Variants in CBLN2 observed in about 807,000 individuals in gnomAD.
The protein encoded by CBLN2 is cerebellin-2.
CBLN2 carries 7 observed loss-of-function variants against 15.0 expected under a neutral mutation model. The observed-to-expected ratio is 0.47, with a 90% CI of 0.27 to 0.88. The LOEUF is 0.88. Ranked by LOEUF, CBLN2 falls within the 40% of genes least tolerant of loss-of-function variation. The pLI, the probability that CBLN2 is intolerant of heterozygous loss-of-function variation, is 0.14. For synonymous variants in CBLN2, 149 were observed against 135.2 expected (o/e 1.10, Z -0.71); for missense variants, 242 against 304.5 (o/e 0.79, Z 1.53).
rs551979733 is a variant in CBLN2 at position 72,542,141 on chromosome 18, C to T, written c.20G>A (p.Gly7Glu). The change falls in exon 3 of 5, where the codon GGG (glycine) becomes GAG (glutamate). Residue 7 changes from glycine to glutamate, a missense_variant. Physicochemically the swap from Gly to Glu is moderately conservative, Grantham distance 98. This residue lies in a region of CBLN2 where 96 missense variants were observed against 83.8 expected (regional missense o/e 1.15). Coordinates refer to ENST00000269503, the MANE Select transcript of CBLN2 (RefSeq NM_182511.4). MQAPGR[G>E]PLGLRLMMPG... ...CATCATCAGCCGCAGCCCGAGTGGC[C>T]CCCGGCCGGGCGCCTGCATCGGGAC... 1.7e-3 allele frequency: 2,225 copies of T among 1,320,834 alleles called. 31 individuals are homozygous for T. In the African/African-American group the frequency reaches 0.031, roughly 19 times the overall value. The allele number at this position is 1,320,834 out of a possible 1,614,324, so 81.8% of individuals were successfully genotyped here.
chr18:72,612,138 C>T (rs2069626615), intron 1 of CBLN2, among the ~76,000 whole-genome samples: 1 of 152,126 alleles, frequency 6.6e-6, no homozygotes, highest in East Asian at 1.9e-4. Flanking sequence ...GTTTTGGTTA[C>T]TGTAGCCCTG....
chr18:72,631,556 C>T (rs1051086675), intron 1 of CBLN2, among the ~76,000 whole-genome samples: 7 of 152,130 alleles, frequency 4.6e-5, no homozygotes, highest in African/African-American at 1.4e-4. Context: ...TGGGGTGACT[C>T]TTTATCTCCC....
chr18:72,602,952 T>C (rs936535152), intron 1 of CBLN2, among the ~76,000 whole-genome samples: 9 of 152,192 alleles, frequency 5.9e-5, no homozygotes, highest in African/African-American at 1.2e-4. Flanking sequence ...GTTTTCTCCT[T>C]CCATGGTGTG....
At chr18:72,627,655 A>G (rs1423727643) in intron 1 of CBLN2, among the ~76,000 whole-genome samples, 1 of 152,230 alleles carries the variant, frequency 6.6e-6, no homozygotes, top group African/African-American at 2.4e-5. Context: ...ACAAGAGAAT[A>G]AGAGGGAGTG....
chr18:72,568,830 T>C (rs144821225), intron 1 of CBLN2, among the ~76,000 whole-genome samples: 1 of 152,336 alleles, frequency 6.6e-6, no homozygotes, highest in Non-Finnish European at 1.5e-5. Context: ...TTTGATTTGT[T>C]GTTTTGTCGA....
At chr18:72,622,395 C>T (rs527790482) in intron 1 of CBLN2, among the ~76,000 whole-genome samples, 2 of 151,918 alleles carry the variant, frequency 1.3e-5, no homozygotes, top group South Asian at 2.1e-4. Context: ...GGGGCCAATG[C>T]TTACAATGCC....
At chr18:72,611,076 A>G (rs2069618792) in intron 1 of CBLN2, among the ~76,000 whole-genome samples, 1 of 152,046 alleles carries the variant, frequency 6.6e-6, no homozygotes, top group South Asian at 2.1e-4. Flanking sequence ...ATTATTTCAT[A>G]TTTTTTATGG....
At chr18:72,562,099 A>T (rs2069265192) in intron 1 of CBLN2, among the ~76,000 whole-genome samples, 1 of 152,200 alleles carries the variant, frequency 6.6e-6, no homozygotes, top group African/African-American at 2.4e-5. Context: ...GCAGTAAGCC[A>T]TGCACACGTT....
chr18:72,551,517 T>C (rs926552419), intron 1 of CBLN2, among the ~76,000 whole-genome samples: 1 of 152,154 alleles, frequency 6.6e-6, no homozygotes, highest in Non-Finnish European at 1.5e-5. Flanking sequence ...GGACTAAAAG[T>C]GTCACTAAGT....
chr18:72,633,173 T>A (rs1439301228), intron 1 of CBLN2, among the ~76,000 whole-genome samples: 2 of 152,192 alleles, frequency 1.3e-5, no homozygotes, highest in Non-Finnish European at 2.9e-5. Flanking sequence ...AATTTTTCTC[T>A]CCATCTACTG....
intron 1 of CBLN2, among the ~76,000 whole-genome samples, chr18:72,567,973 T>C (rs2069306913): frequency 6.6e-6 from 1 of 152,238 alleles, no homozygotes; most frequent in Admixed American, 6.5e-5. Context: ...AGGATTAACA[T>C]GACATCACAG....
At chr18:72,601,505 G>T (rs1242130923) in intron 1 of CBLN2, among the ~76,000 whole-genome samples, 3 of 152,130 alleles carry the variant, frequency 2.0e-5, no homozygotes, top group South Asian at 2.1e-4. Flanking sequence ...AGAGGAGAAG[G>T]TTTCCCACGT....
Position 72,553,009 on chromosome 18 carries a change from G to GA in CBLN2, c.16-14238dup, listed in dbSNP as rs201853063. On this transcript the variant is annotated intron_variant, in intron 1 of 2. Transcript: ENST00000581073. ...TCCACCACATGGATGCCTTACTTTG[G>GA]AAATATTTGTTTAAATGACATAAAA... Among the ~76,000 whole-genome samples, 155 of 152,230 alleles carry GA rather than the reference G, an allele frequency of 1.0e-3. No homozygotes were observed. The East Asian group carries it at 0.027, about 27-fold the overall frequency.
At chr18:72,624,728 T>G (rs2069723528) in intron 1 of CBLN2, among the ~76,000 whole-genome samples, 1 of 152,218 alleles carries the variant, frequency 6.6e-6, no homozygotes, top group Non-Finnish European at 1.5e-5. Flanking sequence ...TTAATTTTGC[T>G]GAGATAGCTT....
At chr18:72,573,714 T>C (rs771682207) in intron 1 of CBLN2, among the ~76,000 whole-genome samples, 15 of 152,346 alleles carry the variant, frequency 9.8e-5, no homozygotes, top group Middle Eastern at 3.4e-3. Context: ...CTTGGTTACC[T>C]TCAAGTTTTG....
intron 1 of CBLN2, among the ~76,000 whole-genome samples, chr18:72,585,266 A>G (rs2144923270): frequency 6.6e-6 from 1 of 152,300 alleles, no homozygotes; most frequent in South Asian, 2.1e-4. Flanking sequence ...CATTTGTATT[A>G]AAGCTCTTTT....
rs1022992923 is a variant in CBLN2, at chr18:72,592,296, C to CT, written c.15+46028dup. On this transcript the variant is annotated intron_variant, in intron 1 of 2. Transcript: ENST00000581073. ...CTATAACTGTTTGCCATCTGTATGT[C>CT]TTTTTTTTTTAAATATCCATCCAGA... 1.3e-3 allele frequency among the ~76,000 whole-genome samples: 191 copies of CT among 148,900 alleles called. 2 individuals are homozygous for CT. The East Asian group carries it at 0.021, about 16-fold the overall frequency.
chr18:72,594,641 C>T (rs1386193938), intron 1 of CBLN2, among the ~76,000 whole-genome samples: 2 of 152,002 alleles, frequency 1.3e-5, no homozygotes, highest in African/African-American at 4.8e-5. Context: ...TAAAATTCAG[C>T]AGTGAAGCTG....
intron 1 of CBLN2, among the ~76,000 whole-genome samples, chr18:72,625,691 A>G (rs1246976448): frequency 3.3e-5 from 3 of 92,176 alleles, no homozygotes; most frequent in Non-Finnish European, 5.9e-5. Flanking sequence ...TATTATATAT[A>G]GTATTACTAT....
Sources: gnomAD v4.1 joint callset for allele counts (sites outside exome capture counted in the v4.1 genomes callset) on GRCh38, gnomAD v4.1.1 for gene constraint, gnomAD v4.1.1 regional missense constraint, MANE v1.5 for transcripts, NCBI Gene and HGNC (gene_info 2026-07-23, HGNC 2026-07-21) for gene names.